Variants in SPATA18 observed in about 807,000 individuals in gnomAD.
SPATA18 encodes the protein spermatogenesis associated 18.
SPATA18 carries 54 observed loss-of-function variants against 68.1 expected under a neutral mutation model. That is an observed-to-expected ratio of 0.79 (90% CI 0.64 to 0.99). The LOEUF is 0.99. SPATA18 is among the 50% of genes least tolerant of loss of function. SPATA18 has a pLI of 0.00. For synonymous variants in SPATA18, 242 were observed against 244.8 expected (o/e 0.99, Z 0.11); for missense variants, 724 against 681.1 (o/e 1.06, Z -0.70).
At chr4:52,084,357 T>C (rs1443783063) in intron 10 of SPATA18, among the ~76,000 whole-genome samples, 4 of 152,144 alleles carry the variant, frequency 2.6e-5, no homozygotes, top group Admixed American at 6.5e-5. Context: ...AAGAAAGAAC[T>C]TGGAAAAGAA....
At chr4:52,069,341 G>T (rs540825056) in intron 4 of SPATA18, among the ~76,000 whole-genome samples, 1 of 152,310 alleles carries the variant, frequency 6.6e-6, no homozygotes, top group South Asian at 2.1e-4. Context: ...TGATTGTCAA[G>T]GGTGATTGTG....
In SPATA18 at chr4:52,062,323, T is replaced by A. The variant is rs747416905; in HGVS notation, c.413T>A (p.Val138Asp). The change falls in exon 4 of 13, where the codon GTT (valine) becomes GAT (aspartate). Residue 138 changes from valine (V) to aspartate (D), a missense_variant. Coordinates refer to ENST00000295213, the MANE Select transcript of SPATA18 (RefSeq NM_145263.4). ...LNSTRSQCNQ[V>D]QDDLVETEKN... ...TCAACCCGGAGTCAATGCAACCAGG[T>A]TCAAGACGAGTAAGAGGAATGCAAG... 10 of 1,603,286 alleles carry A rather than the reference T, an allele frequency of 6.2e-6. No homozygotes were observed. The highest frequency in any genetic ancestry group is 8.5e-6 in the Non-Finnish European group (10 of 1,172,714).
chr4:52,083,105 G>A (rs1387684593), intron 10 of SPATA18: 1 of 984,536 alleles, frequency 1.0e-6, no homozygotes, highest in Non-Finnish European at 1.2e-6. Flanking sequence ...AAAAAAAGGA[G>A]TCTTAGGTAC....
intron 10 of SPATA18, among the ~76,000 whole-genome samples, chr4:52,084,017 G>T (rs1387503596): frequency 6.7e-6 from 1 of 149,516 alleles, no homozygotes; most frequent in East Asian, 2.0e-4. Flanking sequence ...GCGATTACAG[G>T]CATGAACCAC....
intron 11 of SPATA18, among the ~76,000 whole-genome samples, chr4:52,093,586 T>C (rs1231341283): frequency 6.6e-6 from 1 of 151,976 alleles, no homozygotes; most frequent in East Asian, 1.9e-4. Context: ...AAAGGAAACA[T>C]TGGGAGCATG....
chr4:52,070,607 C>A (rs1455643732), intron 5 of SPATA18, among the ~76,000 whole-genome samples: 1 of 151,842 alleles, frequency 6.6e-6, no homozygotes, highest in Non-Finnish European at 1.5e-5. Flanking sequence ...ATGGGTGCAG[C>A]ACACCAACAT....
At chr4:52,077,065 G>A in intron 7 of SPATA18, 25 bp downstream of exon 7, 1 of 1,565,436 alleles carries the variant, frequency 6.4e-7, no homozygotes, top group Non-Finnish European at 8.7e-7. Context: ...CGGGACTCCC[G>A]GCTCCTTAGG....
intron 3 of SPATA18, among the ~76,000 whole-genome samples, chr4:52,061,693 T>C (rs1242339833): frequency 6.6e-6 from 1 of 152,060 alleles, no homozygotes; most frequent in Non-Finnish European, 1.5e-5. Context: ...GACAATGGTT[T>C]TGCTGATCTA....
At chr4:52,061,002 T>C in intron 3 of SPATA18, 105 bp downstream of exon 3, 1 of 837,994 alleles carries the variant, frequency 1.2e-6, no homozygotes, top group South Asian at 1.7e-5. Flanking sequence ...ACTGATAGAG[T>C]GTCACAATTT....
intron 11 of SPATA18, among the ~76,000 whole-genome samples, chr4:52,092,150 G>T (rs1320803668): frequency 6.6e-6 from 1 of 152,176 alleles, no homozygotes; most frequent in East Asian, 1.9e-4. Flanking sequence ...GCTCCGTGGG[G>T]ATGGGACCCG....
intron 11 of SPATA18, among the ~76,000 whole-genome samples, chr4:52,091,290 C>T (rs1560613736): frequency 6.6e-6 from 1 of 152,040 alleles, no homozygotes; most frequent in Non-Finnish European, 1.5e-5. Flanking sequence ...CTACTTCTGT[C>T]AGTTCATCAA....
At chr4:52,083,297 C>G (rs1741115227) in intron 10 of SPATA18, 1 of 985,168 alleles carries the variant, frequency 1.0e-6, no homozygotes, top group African/African-American at 1.7e-5. Context: ...TGTTCCTGTT[C>G]TCCTTGAACT....
At chr4:52,078,321 T>C (rs544173290) in intron 7 of SPATA18, 1 of 153,408 alleles carries the variant, frequency 6.5e-6, no homozygotes, top group Non-Finnish European at 1.5e-5. Context: ...TTAATAAATA[T>C]TTGTTGAATT....
intron 1 of SPATA18, among the ~76,000 whole-genome samples, chr4:52,059,095 A>G (rs1433606911): frequency 1.3e-5 from 2 of 152,216 alleles, no homozygotes; most frequent in Non-Finnish European, 2.9e-5. Context: ...CAGGGGTGGG[A>G]ATACAACAAC....
chr4:52,058,589 G>A (rs775034038), intron 1 of SPATA18, among the ~76,000 whole-genome samples: 7 of 152,028 alleles, frequency 4.6e-5, no homozygotes, highest in Non-Finnish European at 1.0e-4. Context: ...TGTTCCCACT[G>A]CCTGGTAAGC....
chr4:52,083,428 A>ACTAT (rs1358971883), intron 10 of SPATA18: 1 of 985,306 alleles, frequency 1.0e-6, no homozygotes, highest in Non-Finnish European at 1.2e-6. Context: ...TACAGTGAAT[A>ACTAT]CTATCTTAAA....
At chr4:52,054,264 G>A (rs996170450) in intron 1 of SPATA18, among the ~76,000 whole-genome samples, 4 of 152,220 alleles carry the variant, frequency 2.6e-5, no homozygotes, top group Non-Finnish European at 5.9e-5. Flanking sequence ...ACATGCTTCT[G>A]CTTCAGGGCA....
chr4:52,060,753 A>G, intron 2 of SPATA18, 29 bp from the exon 3 acceptor site: 2 of 1,580,550 alleles, frequency 1.3e-6, no homozygotes, highest in African/African-American at 1.3e-5. Flanking sequence ...GGTGTGCTGC[A>G]CCCATTAACT....
chr4:52,060,389 C>A, intron 1 of SPATA18, 30 bp from the exon 2 acceptor site: 8 of 1,589,106 alleles, frequency 5.0e-6, no homozygotes, highest in Non-Finnish European at 6.9e-6. Flanking sequence ...GAAGTAATTA[C>A]CCTGGTTATC....
Sources: gnomAD v4.1 joint callset for allele counts (sites outside exome capture counted in the v4.1 genomes callset) on GRCh38, gnomAD v4.1.1 for gene constraint, MANE v1.5 for transcripts, NCBI Gene and HGNC (gene_info 2026-07-23, HGNC 2026-07-21) for gene names.